EDIL3: variants seen among roughly 807,000 people sequenced by gnomAD.
EDIL3 encodes EGF-like repeat and discoidin I-like domain-containing protein 3.
In EDIL3, 37 loss-of-function variants were observed where a neutral mutation model predicts 67.4. That is an observed-to-expected ratio of 0.55 (90% CI 0.42 to 0.72). The LOEUF (loss-of-function observed/expected upper bound fraction) is 0.72. EDIL3 is among the 30% of genes least tolerant of loss of function. EDIL3 has a pLI of 0.00. For synonymous variants in EDIL3, 195 were observed against 196.3 expected (o/e 0.99, Z 0.05); for missense variants, 527 against 586.3 (o/e 0.90, Z 1.04).
At chr5:84,280,371 T>C (rs1485254615) in intron 1 of EDIL3, among the ~76,000 whole-genome samples, 1 of 152,238 alleles carries the variant, frequency 6.6e-6, no homozygotes, top group Non-Finnish European at 1.5e-5. Flanking sequence ...TATATTCTAA[T>C]GATCCAGCAT....
rs1267909317 is a variant in EDIL3 at position 84,254,104 on chromosome 5, C to G, written c.176G>C (p.Cys59Ser). The G allele has an allele frequency of 2.2e-5, 36 of 1,609,138 alleles. No homozygotes were observed. The East Asian group carries it at 8.1e-4, about 36-fold the overall frequency. The change falls in exon 2 of 11, where the codon TGT becomes TCT. Residue 59 changes from cysteine to serine, a missense_variant. Physicochemically the swap from Cys to Ser is moderately radical, Grantham distance 112. Coordinates refer to ENST00000296591, the MANE Select transcript of EDIL3 (RefSeq NM_005711.5). ...CTTACCAACCTCCACAACACTAGAA[C>G]AGTTGGGGTCTGTGAAGCCATCTGG... ...ECPDGFTDPN[C>S]SSVVEVASDE... is the part of the protein sequence containing the mutation.
In EDIL3 at chr5:84,370,803, G is replaced by A. The variant is rs556733890; in HGVS notation, c.67+13505C>T. Among the ~76,000 whole-genome samples, 3 of 152,220 alleles carry A rather than the reference G, an allele frequency of 2.0e-5. No homozygotes were observed. The East Asian group carries it at 5.8e-4, about 29-fold the overall frequency. ...GTACCATTTGTACCATGATTCACAA[G>A]TCAATGCATCAGTGCATCAAGTAGA... On this transcript the variant is annotated intron_variant, in intron 1 of 10. Transcript: ENST00000296591.
chr5:84,336,147 T>C (rs80168076), intron 1 of EDIL3, among the ~76,000 whole-genome samples: 217 of 152,334 alleles, frequency 1.4e-3, no homozygotes, highest in African/African-American at 4.9e-3. Flanking sequence ...ATATTTGAAC[T>C]GGCTCTTGAT....
chr5:84,080,115 C>CAAAAAAAAAA (rs10566347), intron 6 of EDIL3, among the ~76,000 whole-genome samples: 47 of 52,962 alleles, frequency 8.9e-4, no homozygotes, highest in Non-Finnish European at 1.3e-3. Context: ...ACTAAAAATA[C>CAAAAAAAAAA]AAAAAAAAAA....
intron 1 of EDIL3, among the ~76,000 whole-genome samples, chr5:84,267,806 G>A (rs1483915716): frequency 6.6e-6 from 1 of 152,112 alleles, no homozygotes; most frequent in Admixed American, 6.5e-5. Flanking sequence ...GACAGTAATG[G>A]AGCCTTTGGA....
intron 1 of EDIL3, among the ~76,000 whole-genome samples, chr5:84,365,447 C>G (rs1747709251): frequency 6.6e-6 from 1 of 152,054 alleles, no homozygotes; most frequent in African/African-American, 2.4e-5. Flanking sequence ...ATAAAAACAA[C>G]CTTAGATATT....
chr5:84,184,456 A>G (rs75630134), intron 3 of EDIL3, among the ~76,000 whole-genome samples: 9 of 152,296 alleles, frequency 5.9e-5, no homozygotes, highest in African/African-American at 1.9e-4. Context: ...GCTAGTAAGA[A>G]ATTGTGATGT....
At chr5:83,943,969 C>T (rs13153252) in intron 10 of EDIL3, among the ~76,000 whole-genome samples, 39,722 of 151,924 alleles carry the variant, frequency 0.26, 5,332 homozygotes, top group Admixed American at 0.33. Context: ...CTGGAGCAGG[C>T]GGCCTCCACA....
chr5:83,945,039 TATTCTCCTCAAAAGC>T (rs1744288260), intron 10 of EDIL3, among the ~76,000 whole-genome samples: 1 of 151,980 alleles, frequency 6.6e-6, no homozygotes, highest in South Asian at 2.1e-4. Flanking sequence ...AAAAAAATCA[TATTCTCCTCAAAAGC>T]ATTAGGCAGT....
chr5:84,018,692 C>T lies in EDIL3; in HGVS notation c.1137+41608G>A, dbSNP rs148759810. Among the ~76,000 whole-genome samples, 320 of 152,264 alleles carry T rather than the reference C, an allele frequency of 2.1e-3. 1 individual carries two copies. Among genetic ancestry groups the T allele is most frequent in the African/African-American group, 7.5e-3 (312 of 41,564 alleles). On this transcript the variant is annotated intron_variant, in intron 9 of 10. Transcript: ENST00000296591. ...AAGATCTTATGAGGCCTGCCTTTCT[C>T]TACTCCTGTTAGCAAGTAATTAACT...
intron 1 of EDIL3, among the ~76,000 whole-genome samples, chr5:84,310,463 T>C (rs1329186645): frequency 6.6e-6 from 1 of 152,210 alleles, no homozygotes; most frequent in Non-Finnish European, 1.5e-5. Context: ...TTTTAAGTCA[T>C]TTAAATAATT....
At chr5:84,069,123 C>T (rs1240766641) in intron 6 of EDIL3, among the ~76,000 whole-genome samples, 20 of 152,082 alleles carry the variant, frequency 1.3e-4, no homozygotes, top group Admixed American at 1.2e-3. Context: ...TCTCTATGAG[C>T]TTGGTGGATG....
At chr5:84,195,224 G>A (rs1362440829) in intron 3 of EDIL3, among the ~76,000 whole-genome samples, 1 of 151,818 alleles carries the variant, frequency 6.6e-6, no homozygotes, top group Non-Finnish European at 1.5e-5. Context: ...GCCCATTAGT[G>A]TACAGAGAAA....
At chr5:84,133,591 C>A (rs1748036144) in intron 5 of EDIL3, among the ~76,000 whole-genome samples, 1 of 151,592 alleles carries the variant, frequency 6.6e-6, no homozygotes, top group Non-Finnish European at 1.5e-5. Flanking sequence ...TGTGCCACTA[C>A]ACTCCAGCCT....
chr5:84,379,566 A>C (rs1212296296), intron 1 of EDIL3, among the ~76,000 whole-genome samples: 1 of 152,158 alleles, frequency 6.6e-6, no homozygotes, highest in Non-Finnish European at 1.5e-5. Context: ...AGTTCATATG[A>C]AGAATAAGCT....
chr5:84,091,859 A>T (rs1747172938), intron 6 of EDIL3, among the ~76,000 whole-genome samples: 1 of 152,226 alleles, frequency 6.6e-6, no homozygotes, highest in African/African-American at 2.4e-5. Flanking sequence ...CAATATGAGA[A>T]TCTAATTCAT....
chr5:84,112,048 T>C (rs187163509), intron 5 of EDIL3, among the ~76,000 whole-genome samples: 92 of 152,126 alleles, frequency 6.0e-4, no homozygotes, highest in African/African-American at 2.2e-3. Context: ...TATCACTAGA[T>C]CAAGATGGGT....
At chr5:84,152,108 C>T (rs566901198) in intron 4 of EDIL3, among the ~76,000 whole-genome samples, 2 of 151,740 alleles carry the variant, frequency 1.3e-5, no homozygotes, top group South Asian at 2.1e-4. Flanking sequence ...TTAGTAGAGG[C>T]GGGGTTTCAC....
At chr5:84,184,600 A>G (rs1277582662) in intron 3 of EDIL3, among the ~76,000 whole-genome samples, 1 of 152,192 alleles carries the variant, frequency 6.6e-6, no homozygotes, top group African/African-American at 2.4e-5. Flanking sequence ...GGAAAGGGCT[A>G]TACTATTGAT....
Sources: gnomAD v4.1 joint callset for allele counts (sites outside exome capture counted in the v4.1 genomes callset) on GRCh38, gnomAD v4.1.1 for gene constraint, MANE v1.5 for transcripts, NCBI Gene and HGNC (gene_info 2026-07-23, HGNC 2026-07-21) for gene names.